NHSL2: variants seen among roughly 807,000 people sequenced by gnomAD.
NHSL2 encodes NHS like 2, also known as NHS-like protein 2.
A neutral mutation model predicts 53.4 loss-of-function variants in NHSL2; 27 were observed. The ratio of observed to expected loss-of-function variants is 0.51; its 90% CI spans 0.37 to 0.70. The LOEUF (loss-of-function observed/expected upper bound fraction) is 0.70, where lower values mean the gene tolerates loss of function less well. Among genes scored for constraint, NHSL2 ranks in the 30% least tolerant of loss-of-function variants. The probability of loss-of-function intolerance (pLI) is 0.00; values close to 1 mark genes in which losing one functional copy is unlikely to be tolerated. For missense variants in NHSL2, 892 were observed against 980.1 expected, an observed-to-expected ratio of 0.91 and a Z score of 1.20; for synonymous variants, 408 against 404.1, an observed-to-expected ratio of 1.01 and a Z score of -0.12.
chrX:71,980,369 C>T (rs1003880940), intron 1 of NHSL2, among the ~76,000 whole-genome samples: 6 of 111,468 alleles, frequency 5.4e-5, no homozygotes, highest in South Asian at 7.6e-4. Context: ...GCCATTTTCA[C>T]GATATTGATT....
In NHSL2 at chrX:71,962,048, G is replaced by A. The variant is rs180949522; in HGVS notation, c.280+50681G>A. Among the ~76,000 whole-genome samples, 4 of 111,808 alleles carry A rather than the reference G, an allele frequency of 3.6e-5. No individual in the cohort carries two copies. In the Admixed American group the frequency reaches 3.8e-4, roughly 11 times the overall value. On this transcript the variant is annotated intron_variant, in intron 1 of 7. Transcript: ENST00000633930. ...ATGAAAGGTGTGAATTTTGTTTTTT[G>A]TTTGTTTTGCTTCATTTTCAAATGA... is the stretch of plus-strand genomic sequence containing the variant.
chrX:72,008,983 G>A (rs975852254), intron 1 of NHSL2, among the ~76,000 whole-genome samples: 2 of 112,175 alleles, frequency 1.8e-5, no homozygotes, highest in African/African-American at 6.5e-5. Context: ...AATCTTTATA[G>A]TAGTCCACAA....
chrX:72,100,118 G>A (rs1488567357), intron 1 of NHSL2, among the ~76,000 whole-genome samples: 4 of 111,997 alleles, frequency 3.6e-5, no homozygotes, highest in Non-Finnish European at 7.5e-5. Flanking sequence ...TAAATTCAAC[G>A]TATGCTGGTT....
chrX:72,025,339 C>T (rs1486885694), intron 1 of NHSL2, among the ~76,000 whole-genome samples: 12 of 112,716 alleles, frequency 1.1e-4, no homozygotes, highest in Admixed American at 1.0e-3. Flanking sequence ...GGGGTCCACG[C>T]CATGGCCTAG....
At chrX:72,064,981 A>G (rs981466039) in intron 1 of NHSL2, among the ~76,000 whole-genome samples, 8 of 112,103 alleles carry the variant, frequency 7.1e-5, no homozygotes, top group African/African-American at 2.6e-4. Flanking sequence ...AAGGCTAGCC[A>G]GCCTTTCCAG....
chrX:71,932,626 A>G (rs2041719216), intron 1 of NHSL2, among the ~76,000 whole-genome samples: 1 of 111,748 alleles, frequency 8.9e-6, no homozygotes, highest in South Asian at 3.8e-4. Flanking sequence ...GAGGTTTCAG[A>G]GTCAGTCCTT....
At chrX:71,996,801 G>A (rs1232190418) in intron 1 of NHSL2, among the ~76,000 whole-genome samples, 1 of 111,645 alleles carries the variant, frequency 9.0e-6, no homozygotes, top group Non-Finnish European at 1.9e-5. Flanking sequence ...AGGATGCTTC[G>A]TTCTTCCTTC....
chrX:72,093,778 C>CTTTCT (rs1422615371), intron 1 of NHSL2, among the ~76,000 whole-genome samples: 3 of 98,777 alleles, frequency 3.0e-5, no homozygotes, highest in African/African-American at 1.1e-4. Flanking sequence ...TTCTTTCTTT[C>CTTTCT]TTTTCCTTTC....
rs190518354 is a variant in NHSL2, at chrX:72,102,547, G to A, written c.281-29532G>A. Among the ~76,000 whole-genome samples the A allele has an allele frequency of 3.9e-3, 437 of 112,518 alleles. 1 individual carries two copies. Among genetic ancestry groups the A allele is most frequent in the African/African-American group, 0.013 (404 of 30,947 alleles). ...TGGTGAGGAATAAATGAGAAAATGT[G>A]TTAGGTTGAATCCTATGAAACTGTC... is the stretch of plus-strand genomic sequence containing the variant. On this transcript the variant is annotated intron_variant, in intron 1 of 7. Transcript: ENST00000633930.
At chrX:71,963,517 G>T (rs957730049) in intron 1 of NHSL2, among the ~76,000 whole-genome samples, 7 of 111,013 alleles carry the variant, frequency 6.3e-5, no homozygotes, top group African/African-American at 2.3e-4. Flanking sequence ...AAAAAACAGT[G>T]TAACAGTATA....
At chrX:71,918,041 T>C (rs2041637415) in intron 1 of NHSL2, among the ~76,000 whole-genome samples, 1 of 112,126 alleles carries the variant, frequency 8.9e-6, no homozygotes, top group South Asian at 3.7e-4. Context: ...TTCATTATCC[T>C]TGGGCAGATG....
At chrX:71,972,811 T>TTTG (rs1301684274) in intron 1 of NHSL2, among the ~76,000 whole-genome samples, 1 of 110,949 alleles carries the variant, frequency 9.0e-6, no homozygotes, top group Non-Finnish European at 1.9e-5. Context: ...CTCTGTTCAT[T>TTTG]TTGTTGTTGT....
chrX:72,047,309 A>C (rs1260168707), intron 1 of NHSL2, among the ~76,000 whole-genome samples: 1 of 111,961 alleles, frequency 8.9e-6, no homozygotes, highest in Non-Finnish European at 1.9e-5. Flanking sequence ...GGCAAGGGAA[A>C]AGGGAGCTAT....
chrX:72,111,561 G>C (rs2042093751), intron 1 of NHSL2, among the ~76,000 whole-genome samples: 1 of 112,101 alleles, frequency 8.9e-6, no homozygotes, highest in Non-Finnish European at 1.9e-5. Context: ...TCAGTGAAGA[G>C]ACTTGTCCAA....
Position 72,140,247 on chromosome X carries a change from C to T in NHSL2, c.2699C>T (p.Pro900Leu), listed in dbSNP as rs1383317296. 8.3e-7 allele frequency: 1 copy of T among 1,210,246 alleles called. No homozygotes were observed. ...CCTGAGGAGTATGCACTAACTTCAC[C>T]AACCTTGGCTATGCCCCCCAGGAGC... ...SVPEEYALTS[P>L]TLAMPPRSSI... Residue 900 changes from proline to leucine, a missense_variant, in exon 6 of 8, where the codon CCA becomes CTA. Transcript: ENST00000633930.
intron 1 of NHSL2, among the ~76,000 whole-genome samples, chrX:72,055,329 C>T (rs760063804): frequency 1.7e-4 from 19 of 112,133 alleles, no homozygotes; most frequent in African/African-American, 4.5e-4. Context: ...GGAACGCGAG[C>T]GCTAAATTAC....
intron 1 of NHSL2, among the ~76,000 whole-genome samples, chrX:71,948,189 C>T (rs1473675787): frequency 8.9e-6 from 1 of 112,062 alleles, no homozygotes; most frequent in African/African-American, 3.2e-5. Context: ...CAATAAATAC[C>T]GGTTGAATTG....
intron 1 of NHSL2, among the ~76,000 whole-genome samples, chrX:71,938,030 T>C (rs1296044551): frequency 1.8e-5 from 2 of 112,390 alleles, no homozygotes; most frequent in Non-Finnish European, 3.8e-5. Context: ...ACTCATCATA[T>C]GGTTCCACCC....
intron 1 of NHSL2, among the ~76,000 whole-genome samples, chrX:71,921,269 A>T (rs1221740441): frequency 4.6e-5 from 5 of 108,120 alleles, no homozygotes; most frequent in Non-Finnish European, 9.6e-5. Context: ...TAATACAAAA[A>T]ATTAGCCGGG....
Sources: gnomAD v4.1 joint callset for allele counts (sites outside exome capture counted in the v4.1 genomes callset) on GRCh38, gnomAD v4.1.1 for gene constraint, MANE v1.5 for transcripts, NCBI Gene and HGNC (gene_info 2026-07-23, HGNC 2026-07-21) for gene names.